Variants in ULK4 observed in about 807,000 individuals in gnomAD.
ULK4 encodes the protein inactive serine/threonine-protein kinase ULK4.
Under a neutral mutation model 160.6 loss-of-function variants are expected in ULK4, and 133 were observed. That is an observed-to-expected ratio of 0.83 (90% CI 0.72 to 0.96). The LOEUF (loss-of-function observed/expected upper bound fraction) is 0.96, where lower values mean the gene tolerates loss of function less well. Among genes scored for constraint, ULK4 ranks in the 40% least tolerant of loss-of-function variants. ULK4 has a pLI of 0.00. For missense variants in ULK4, 1,580 were observed against 1,499.5 expected (o/e 1.05, Z -0.89); for synonymous variants, 534 against 539.8 (o/e 0.99, Z 0.15).
intron 35 of ULK4, among the ~76,000 whole-genome samples, chr3:41,339,626 C>T (rs547775521): frequency 6.6e-6 from 1 of 152,176 alleles, no homozygotes; most frequent in Non-Finnish European, 1.5e-5. Context: ...CTGGTGAGGG[C>T]CAGGTGGAAT....
chr3:41,316,185 T>C (rs1403336042), intron 35 of ULK4, among the ~76,000 whole-genome samples: 2 of 152,164 alleles, frequency 1.3e-5, no homozygotes, highest in Non-Finnish European at 2.9e-5. Context: ...GCTATGTCCA[T>C]ACAATGGAAT....
intron 16 of ULK4, among the ~76,000 whole-genome samples, chr3:41,887,218 G>A (rs1272406295): frequency 6.6e-6 from 1 of 152,178 alleles, no homozygotes; most frequent in Non-Finnish European, 1.5e-5. Context: ...CTTATGCCTG[G>A]TAGGCACAAC....
intron 31 of ULK4, among the ~76,000 whole-genome samples, chr3:41,580,758 AC>A (rs1315113065): frequency 1.3e-5 from 2 of 152,212 alleles, no homozygotes; most frequent in Non-Finnish European, 2.9e-5. Context: ...AGGGAAGGGC[AC>A]TGCAGCCTCC....
intron 31 of ULK4, among the ~76,000 whole-genome samples, chr3:41,604,607 C>A (rs2032280218): frequency 6.6e-6 from 1 of 152,084 alleles, no homozygotes; most frequent in African/African-American, 2.4e-5. Context: ...ACCTAACAGG[C>A]AGCATATATG....
chr3:41,863,116 A>G (rs2042542328), intron 17 of ULK4, among the ~76,000 whole-genome samples: 1 of 152,130 alleles, frequency 6.6e-6, no homozygotes, highest in African/African-American at 2.4e-5. Context: ...AAACCTTAGA[A>G]GTCTACCTGG....
intron 17 of ULK4, among the ~76,000 whole-genome samples, chr3:41,852,094 G>A (rs2042229928): frequency 6.6e-6 from 1 of 152,118 alleles, no homozygotes; most frequent in South Asian, 2.1e-4. Flanking sequence ...TACCATCAGA[G>A]AATACTATAA....
intron 35 of ULK4, among the ~76,000 whole-genome samples, chr3:41,341,908 T>A (rs1453743047): frequency 6.6e-6 from 1 of 152,218 alleles, no homozygotes; most frequent in East Asian, 1.9e-4. Context: ...GAAGCATCTA[T>A]AAAATGGTCT....
At position 41,321,668 on chromosome 3, in the gene ULK4, T is replaced by C. The variant is rs569877481; in HGVS notation, c.3679-72094A>G. 4.5e-5 allele frequency among the ~76,000 whole-genome samples: 5 copies of C among 111,118 alleles called. No homozygotes were observed. The East Asian group carries it at 6.7e-4, about 15-fold the overall frequency. 72.9% of individuals were successfully genotyped at this position (111,118 alleles called of 152,430 possible). A position where few individuals can be genotyped will look rare whatever the true frequency, so the allele number is the denominator to read the frequency against. ...AAACTGGTGATCAGAAGCTTCCTGATAGGAGTCGGGTGAGTGGGCTCAAGC... is the reference window on the plus strand; with the variant it reads ...AAACTGGTGATCAGAAGCTTCCTGACAGGAGTCGGGTGAGTGGGCTCAAGC... On this transcript the variant is annotated intron_variant, in intron 35 of 36. Transcript: ENST00000301831.
intron 32 of ULK4, among the ~76,000 whole-genome samples, chr3:41,464,990 C>T (rs1368610734): frequency 6.6e-6 from 1 of 152,182 alleles, no homozygotes. Flanking sequence ...GTGTAAAAAA[C>T]AGACAACAGA....
intron 8 of ULK4, among the ~76,000 whole-genome samples, chr3:41,915,652 A>T (rs1698941270): frequency 6.6e-6 from 1 of 152,212 alleles, no homozygotes; most frequent in South Asian, 2.1e-4. Context: ...AGCCTGAAAT[A>T]CAAAATACAA....
At chr3:41,787,778 TAA>T (rs1229027256) in intron 21 of ULK4, among the ~76,000 whole-genome samples, 1 of 152,184 alleles carries the variant, frequency 6.6e-6, no homozygotes, top group African/African-American at 2.4e-5. Context: ...TAATCAAAAG[TAA>T]AAGACTGTTT....
chr3:41,518,113 G>C (rs1331896139), intron 32 of ULK4, among the ~76,000 whole-genome samples: 2 of 152,066 alleles, frequency 1.3e-5, no homozygotes, highest in African/African-American at 4.8e-5. Context: ...TAATTATGGT[G>C]GAAACTGTTA....
At chr3:41,541,099 T>C (rs922051969) in intron 32 of ULK4, among the ~76,000 whole-genome samples, 1 of 152,214 alleles carries the variant, frequency 6.6e-6, no homozygotes, top group Non-Finnish European at 1.5e-5. Flanking sequence ...CATGAAGTCT[T>C]TGCCCATGCC....
At chr3:41,500,138 T>C (rs2085142873) in intron 32 of ULK4, among the ~76,000 whole-genome samples, 1 of 152,096 alleles carries the variant, frequency 6.6e-6, no homozygotes, top group Non-Finnish European at 1.5e-5. Flanking sequence ...CAGTTGGCTT[T>C]GTGGATCTTC....
chr3:41,901,459 C>A (rs1352204136), intron 12 of ULK4, among the ~76,000 whole-genome samples: 2 of 101,502 alleles, frequency 2.0e-5, no homozygotes, highest in African/African-American at 5.9e-5. Flanking sequence ...GGATTACAGG[C>A]GTGAGCCACC....
At position 41,317,063 on chromosome 3, in the gene ULK4, A is replaced by ATTTTTTTTTTTTTT. The variant is rs1164870603; in HGVS notation, c.3679-67503_3679-67490dup. Among the ~76,000 whole-genome samples the ATTTTTTTTTTTTTT allele has an allele frequency of 8.7e-4, 82 of 94,546 alleles. 9 individuals carry two copies. Among genetic ancestry groups the ATTTTTTTTTTTTTT allele is most frequent in the African/African-American group, 1.8e-3 (41 of 23,368 alleles). 62.0% of individuals were successfully genotyped at this position (94,546 alleles called of 152,430 possible). On this transcript the variant is annotated intron_variant, in intron 35 of 36. Transcript: ENST00000301831. ...TGATGTAAAATAGGCAATTACATCTATTTTTTTTTTTTTTTTTTTTTTTGA... is the reference window on the plus strand; with the variant it reads ...TGATGTAAAATAGGCAATTACATCTATTTTTTTTTTTTTTTTTTTTTTTTTTTTTTTTTTTTTGA...
intron 17 of ULK4, among the ~76,000 whole-genome samples, chr3:41,855,727 G>A (rs968988596): frequency 6.6e-6 from 1 of 152,118 alleles, no homozygotes; most frequent in African/African-American, 2.4e-5. Context: ...TTCTGCTTCA[G>A]GGATCAGCTC....
intron 21 of ULK4, among the ~76,000 whole-genome samples, chr3:41,762,853 G>C (rs182893998): frequency 1.9e-4 from 29 of 151,964 alleles, no homozygotes; most frequent in Non-Finnish European, 3.4e-4. Flanking sequence ...TTTTAGTAGA[G>C]ACAGGGTTTC....
intron 21 of ULK4, among the ~76,000 whole-genome samples, chr3:41,780,590 C>G (rs560962000): frequency 3.0e-4 from 46 of 152,186 alleles, no homozygotes; most frequent in African/African-American, 1.1e-3. Flanking sequence ...CTGGGCAGCA[C>G]AGCTCAGGTG....
Sources: gnomAD v4.1 joint callset for allele counts (sites outside exome capture counted in the v4.1 genomes callset) on GRCh38, gnomAD v4.1.1 for gene constraint, MANE v1.5 for transcripts, NCBI Gene and HGNC (gene_info 2026-07-23, HGNC 2026-07-21) for gene names.